The following BUB1 variants were observed in gnomAD, a reference collection of about 807,000 sequenced individuals.
BUB1 encodes BUB1 mitotic checkpoint serine/threonine kinase, also known as mitotic checkpoint serine/threonine-protein kinase BUB1.
Under a neutral mutation model 135.2 loss-of-function variants are expected in BUB1, and 84 were observed. That is an observed-to-expected ratio of 0.62 (90% CI 0.52 to 0.74). BUB1 has a LOEUF of 0.74. BUB1 is among the 30% of genes least tolerant of loss of function. The probability of loss-of-function intolerance (pLI) is 0.00; values close to 1 mark genes in which losing one functional copy is unlikely to be tolerated. For synonymous variants in BUB1, 403 were observed against 434.4 expected (o/e 0.93, Z 0.90); for missense variants, 1,162 against 1,288.3 (o/e 0.90, Z 1.50).
At chr2:110,674,780 A>C (rs1690526873) in intron 1 of BUB1, 1 of 231,128 alleles carries the variant, frequency 4.3e-6, no homozygotes, top group Admixed American at 5.5e-5. Flanking sequence ...CAGGCATGGC[A>C]CTGACTCAGA....
chr2:110,662,961 A>G (rs1474553928), intron 9 of BUB1, among the ~76,000 whole-genome samples: 1 of 152,248 alleles, frequency 6.6e-6, no homozygotes. Context: ...AAAAATCATC[A>G]TAATATTCAA....
chr2:110,659,888 G>A lies in BUB1; in HGVS notation c.1276+90C>T, dbSNP rs1369049653. On this transcript the variant is annotated intron_variant, in intron 11 of 24. Transcript: ENST00000302759. ...CTAACACTCAGGTTCATTAAGGCCT[G>A]AAGCCTTCATAAACCACAGCCACAA... is the stretch of plus-strand genomic sequence containing the variant. 5 of 1,058,602 alleles carry A rather than the reference G, an allele frequency of 4.7e-6. No individual in the cohort carries two copies. The African/African-American group carries it at 6.4e-5, about 14-fold the overall frequency. 65.6% of individuals were successfully genotyped at this position (1,058,602 alleles called of 1,614,324 possible). A position where few individuals can be genotyped will look rare whatever the true frequency, so the allele number is the denominator to read the frequency against.
chr2:110,647,453 T>G (rs1689671480), intron 19 of BUB1, among the ~76,000 whole-genome samples: 2 of 152,110 alleles, frequency 1.3e-5, no homozygotes, highest in Non-Finnish European at 2.9e-5. Flanking sequence ...TAATTTCAAT[T>G]AATGAAATCC....
chr2:110,651,414 A>T (rs989601169), intron 17 of BUB1, among the ~76,000 whole-genome samples: 3 of 152,206 alleles, frequency 2.0e-5, no homozygotes, highest in Non-Finnish European at 2.9e-5. Flanking sequence ...TTTAATGCTT[A>T]TAGAATGATA....
At chr2:110,640,993 C>T in intron 23 of BUB1, 41 bp downstream of exon 23, 5 of 1,513,264 alleles carry the variant, frequency 3.3e-6, no homozygotes, top group Non-Finnish European at 4.4e-6. Context: ...ATAAGCGCAA[C>T]ACAGAAAAAT....
intron 4 of BUB1, 22 bp downstream of exon 4, chr2:110,672,637 CAG>C (rs1690452098): frequency 2.6e-6 from 4 of 1,536,226 alleles, no homozygotes; most frequent in Non-Finnish European, 3.5e-6. Context: ...AGAATCATCA[CAG>C]AGAGTTTGAC....
chr2:110,670,092 G>C (rs1056662428), intron 5 of BUB1, among the ~76,000 whole-genome samples: 5 of 147,768 alleles, frequency 3.4e-5, no homozygotes, highest in Non-Finnish European at 7.5e-5. Context: ...TGTTACCTGA[G>C]AGTGCAATTT....
intron 19 of BUB1, among the ~76,000 whole-genome samples, chr2:110,646,409 G>C (rs1008094160): frequency 7.9e-5 from 12 of 152,066 alleles, no homozygotes; most frequent in African/African-American, 2.9e-4. Context: ...AGATAAAGCA[G>C]GCAGGAAATC....
intron 19 of BUB1, among the ~76,000 whole-genome samples, chr2:110,643,355 G>C (rs1689554787): frequency 6.6e-6 from 1 of 152,128 alleles, no homozygotes; most frequent in South Asian, 2.1e-4. Context: ...GAAACCCAAA[G>C]ATAACAGGGG....
rs1204628261 is a variant in BUB1, at chr2:110,672,669, T to C, written c.414A>G (p.Gln138=). 3 of 1,589,552 alleles carry C rather than the reference T, an allele frequency of 1.9e-6. No homozygotes were observed. The highest frequency in any genetic ancestry group is 2.6e-6 in the Non-Finnish European group (3 of 1,169,420). ...NQAEPREFLQ[Q]QYRLFQTRLT... ...TTTGACTTTGTAACTACCTGTATTGTTGTTGCAGGAACTCTCTGGGTTCAG... is the reference window on the plus strand; with the variant it reads ...TTTGACTTTGTAACTACCTGTATTGCTGTTGCAGGAACTCTCTGGGTTCAG... Residue 138 remains glutamine (Q), a synonymous_variant, in exon 4 of 25, where the codon CAA becomes CAG. Transcript: ENST00000302759.
chr2:110,667,952 C>A (rs879134770), intron 6 of BUB1, 103 bp from the exon 7 acceptor site: 9 of 1,003,878 alleles, frequency 9.0e-6, no homozygotes, highest in African/African-American at 1.6e-5. Flanking sequence ...GGAAGAGGGA[C>A]CTTAATCCCA....
At chr2:110,660,341 A>C (rs1559170783) in intron 10 of BUB1, among the ~76,000 whole-genome samples, 1 of 151,984 alleles carries the variant, frequency 6.6e-6, no homozygotes, top group African/African-American at 2.4e-5. Flanking sequence ...GCACCATTGC[A>C]CTCCAGCCTG....
chr2:110,643,922 A>C (rs530824925), intron 19 of BUB1, among the ~76,000 whole-genome samples: 1 of 152,210 alleles, frequency 6.6e-6, no homozygotes, highest in South Asian at 2.1e-4. Flanking sequence ...GAAGCAAAAA[A>C]AGGTGCTAGA....
chr2:110,667,811 A>G lies in BUB1; in HGVS notation c.606T>C (p.Asp202=). The G allele has an allele frequency of 6.2e-7, 1 of 1,613,524 alleles. No individual in the cohort carries two copies. Among genetic ancestry groups the G allele is most frequent in the Non-Finnish European group, 8.5e-7 (1 of 1,179,884 alleles). The change falls in exon 7 of 25, where the codon GAT becomes GAC. Residue 202 remains aspartate (D), a synonymous_variant. Transcript: ENST00000302759. ...ELSGVISSAC[D]KESNMERRVI... ...ATTATACTTGCATATTTGACTCTTT[A>G]TCACAAGCTGAAGATATCACTCCAG...
intron 3 of BUB1, 30 bp from the exon 4 acceptor site, chr2:110,672,887 G>T (rs779584677): frequency 6.5e-7 from 1 of 1,529,210 alleles, no homozygotes; most frequent in Non-Finnish European, 8.8e-7. Context: ...AAAGACATAA[G>T]AATAATGGAA....
chr2:110,657,026 G>A lies in BUB1; in HGVS notation c.1698+10C>T, dbSNP rs1218809366. On this transcript the variant is annotated intron_variant, in intron 15 of 24. Coordinates refer to ENST00000302759, the MANE Select transcript of BUB1 (RefSeq NM_004336.5). ...AGGACCCATTTCATAGATAAAACAG[G>A]TTTGTTTACCTTTGGTTTTGAAGGA... The A allele has an allele frequency of 6.2e-7, 1 of 1,608,260 alleles. No homozygotes were observed. Among genetic ancestry groups the A allele is most frequent in the African/African-American group, 1.3e-5 (1 of 74,756 alleles).
In BUB1 at chr2:110,667,630, C is replaced by A. The variant is rs776905832; in HGVS notation, c.696G>T (p.Glu232Asp). The stretch of plus-strand genomic sequence containing the variant: ...TCTCCTTGCAATACATAACAACCTG[C>A]TCAACATCAACTTTGGATGCCAAAG... ...HSSLASKVDV[E>D]QVVMYCKEKL... Residue 232 changes from glutamate (E) to aspartate (D), a missense_variant, in exon 8 of 25, where the codon GAG (glutamate) becomes GAT (aspartate). By Grantham distance (45) the Glu-to-Asp change is conservative (BLOSUM62 2). Transcript: ENST00000302759. 4.3e-6 allele frequency: 7 copies of A among 1,613,888 alleles called. No homozygotes were observed. In the East Asian group the frequency reaches 1.6e-4, roughly 36 times the overall value.
rs1285610468 is a variant in BUB1, at chr2:110,677,911, C to T, written c.26+59G>A. 4 of 1,569,760 alleles carry T rather than the reference C, an allele frequency of 2.5e-6. No homozygotes were observed. In the African/African-American group the frequency reaches 4.1e-5, roughly 16 times the overall value. The stretch of plus-strand genomic sequence containing the variant: ...GAAGGCAGGTCTGGGGCGGGCCGGG[C>T]CCGAACCCCAGGCGCCCCAGCCCCC... On this transcript the variant is annotated intron_variant, in intron 1 of 24. Coordinates refer to ENST00000302759, the MANE Select transcript of BUB1 (RefSeq NM_004336.5).
chr2:110,677,914 G>T, intron 1 of BUB1, 56 bp downstream of exon 1: 1 of 1,576,456 alleles, frequency 6.3e-7, no homozygotes, highest in East Asian at 2.3e-5. Flanking sequence ...GGCCGGGCCC[G>T]AACCCCAGGC....
Sources: gnomAD v4.1 joint callset for allele counts (sites outside exome capture counted in the v4.1 genomes callset) on GRCh38, gnomAD v4.1.1 for gene constraint, MANE v1.5 for transcripts, NCBI Gene and HGNC (gene_info 2026-07-23, HGNC 2026-07-21) for gene names.